Variants in KIFBP observed in about 807,000 individuals in gnomAD.
KIFBP encodes the protein kinesin family binding protein.
KIFBP carries 46 observed loss-of-function variants against 58.9 expected under a neutral mutation model. The ratio of observed to expected loss-of-function variants is 0.78; its 90% confidence interval spans 0.62 to 1.00. KIFBP has a LOEUF of 1.00. KIFBP is among the 50% of genes least tolerant of loss of function. The pLI is 0.00. For synonymous variants in KIFBP, 241 were observed against 283.4 expected, an observed-to-expected ratio of 0.85 and a Z score of 1.50; for missense variants, 651 against 752.9, an observed-to-expected ratio of 0.86 and a Z score of 1.58.
At chr10:68,995,807 A>G (rs927112290) in intron 1 of KIFBP, among the ~76,000 whole-genome samples, 1 of 152,202 alleles carries the variant, frequency 6.6e-6, no homozygotes, top group Non-Finnish European at 1.5e-5. Context: ...GAAAGATGCA[A>G]GACCTTCCAT....
Position 68,989,004 on chromosome 10 carries a change from G to A in KIFBP, c.172G>A (p.Asp58Asn). Reference sequence around the variant, plus strand: ...GCTCGGCCCTGCGCCTGAGGACGAGGATGAGCGGCCTGAGGCCGAGGACGG... The same window carrying A: ...GCTCGGCCCTGCGCCTGAGGACGAGAATGAGCGGCCTGAGGCCGAGGACGG... Reference protein sequence around the residue: ...ALLGPAPEDEDERPEAEDGPG... With the variant: ...ALLGPAPEDENERPEAEDGPG... Residue 58 changes from aspartate (D) to asparagine (N), a missense_variant, in exon 1 of 7, where the codon GAT becomes AAT. By Grantham distance (23) the Asp-to-Asn change is conservative. Transcript: ENST00000361983. The A allele has an allele frequency of 6.2e-6, 10 of 1,614,224 alleles. No homozygotes were observed. The highest frequency in any genetic ancestry group is 8.5e-6 in the Non-Finnish European group (10 of 1,180,030).
intron 1 of KIFBP, among the ~76,000 whole-genome samples, chr10:68,990,296 G>A (rs542760705): frequency 3.4e-4 from 52 of 152,290 alleles, no homozygotes; most frequent in Non-Finnish European, 5.6e-4. Context: ...TTGGGAGGCC[G>A]AAGTGGGAGG....
rs189185692 is a variant in KIFBP at position 69,013,343 on chromosome 10, G to A, written c.991-2198G>A. On this transcript the variant is annotated intron_variant, in intron 6 of 6. Coordinates refer to ENST00000361983, the MANE Select transcript of KIFBP (RefSeq NM_015634.4). ...GATGAAGATAATTTTAGAGGTCAGA[G>A]GGTAAAGAGGAGGCATATTAAGGAA... 5.3e-5 allele frequency among the ~76,000 whole-genome samples: 8 copies of A among 152,280 alleles called. No individual in the cohort carries two copies. The East Asian group carries it at 1.5e-3, about 29-fold the overall frequency.
Position 69,008,390 on chromosome 10 carries a change from AAAT to A in KIFBP, c.790-449_790-447del, listed in dbSNP as rs1257994666. On this transcript the variant is annotated intron_variant, in intron 4 of 6. Transcript: ENST00000361983. ...ACCCCTGTCTCGTAAAAAAAAAAAA[AAAT>A]ATATATATATATATATATATATATA... is the stretch of plus-strand genomic sequence containing the variant. Among the ~76,000 whole-genome samples, 669 of 102,860 alleles carry A rather than the reference AAAT, an allele frequency of 6.5e-3. 12 individuals are homozygous for A. Among genetic ancestry groups the A allele is most frequent in the African/African-American group, 0.027 (628 of 23,404 alleles). 67.5% of individuals were successfully genotyped at this position (102,860 alleles called of 152,430 possible).
In KIFBP at chr10:68,999,311, C is replaced by T. The variant is rs868044061; in HGVS notation, c.427-1113C>T. ...TGGGGTTTCACCATTTTGGCCAGGC[C>T]GGTCTTGAACTTCTCGCCTCAAGTG... is the stretch of plus-strand genomic sequence containing the variant. On this transcript the variant is annotated intron_variant, in intron 1 of 6. Coordinates refer to ENST00000361983, the MANE Select transcript of KIFBP (RefSeq NM_015634.4). 2.9e-4 allele frequency among the ~76,000 whole-genome samples: 43 copies of T among 147,282 alleles called. No individual in the cohort carries two copies. In the Middle Eastern group the frequency reaches 0.016, roughly 54 times the overall value.
rs753347618 is a variant in KIFBP, at chr10:69,010,945, A to C, written c.920A>C (p.Lys307Thr). The change falls in exon 6 of 7, where the codon AAG becomes ACG. Residue 307 changes from lysine to threonine, a missense_variant. Physicochemically the swap from Lys to Thr is moderately conservative, Grantham distance 78. Transcript: ENST00000361983. ...GEVPELYHQR[K>T]GEIARCWIKY... ...GTGCCAGAGCTTTATCATCAAAGAA[A>C]GGGGGAAATAGCAAGGTGCTGGATC... 6.2e-7 allele frequency: 1 copy of C among 1,614,134 alleles called. No individual in the cohort carries two copies. Among genetic ancestry groups the C allele is most frequent in the Non-Finnish European group, 8.5e-7 (1 of 1,179,992 alleles).
intron 1 of KIFBP, chr10:68,999,651 T>C (rs1340570952): frequency 6.6e-6 from 1 of 152,100 alleles, no homozygotes; most frequent in East Asian, 1.9e-4. Context: ...CTCACAGGCT[T>C]TTTGACTGAG....
intron 6 of KIFBP, 200 bp downstream of exon 6, chr10:69,011,215 C>A: frequency 1.9e-6 from 1 of 537,062 alleles, no homozygotes; most frequent in Non-Finnish European, 3.4e-6. Flanking sequence ...CTGCGTGAGC[C>A]GAGATTGGAC....
At chr10:69,011,220 T>C (rs1234724064) in intron 6 of KIFBP, 1 of 534,690 alleles carries the variant, frequency 1.9e-6, no homozygotes, top group African/African-American at 1.9e-5. Flanking sequence ...TGAGCCGAGA[T>C]TGGACCACTG....
In KIFBP at chr10:69,000,529, T is replaced by A; in HGVS notation, c.525+7T>A. On this transcript the variant is annotated splice_region_variant and intron_variant, in intron 2 of 6. Coordinates refer to ENST00000361983, the MANE Select transcript of KIFBP (RefSeq NM_015634.4). ...TAATCAGTATATGAAAGAGGTATGT[T>A]ACATGTCAGATGAGTTTTAAGTTTT... is the stretch of plus-strand genomic sequence containing the variant. The A allele has an allele frequency of 6.6e-7, 1 of 1,517,580 alleles. No individual in the cohort carries two copies. Among genetic ancestry groups the A allele is most frequent in the South Asian group, 1.1e-5 (1 of 89,146 alleles). 94.0% of individuals were successfully genotyped at this position (1,517,580 alleles called of 1,614,324 possible). A position where few individuals can be genotyped will look rare whatever the true frequency, so the allele number is the denominator to read the frequency against.
At chr10:68,993,594 CA>C (rs892131843) in intron 1 of KIFBP, among the ~76,000 whole-genome samples, 1 of 151,156 alleles carries the variant, frequency 6.6e-6, no homozygotes, top group Non-Finnish European at 1.5e-5. Flanking sequence ...GTAGGTTAAA[CA>C]AAGCTTTTTT....
At position 68,988,990 on chromosome 10, in the gene KIFBP, C is replaced by CGCCTGAGGACGAGGATGAGCG. The variant is rs767103634; in HGVS notation, c.167_187dup (p.Asp56_Glu62dup). 5.0e-6 allele frequency: 8 copies of CGCCTGAGGACGAGGATGAGCG among 1,614,114 alleles called. No individual in the cohort carries two copies. The South Asian group carries it at 7.7e-5, about 16-fold the overall frequency. On this transcript the variant is annotated inframe_insertion, in exon 1 of 7. Transcript: ENST00000361983. ...GAGGTCAAGGCGCTGCTCGGCCCTG[C>CGCCTGAGGACGAGGATGAGCG]GCCTGAGGACGAGGATGAGCGGCCT... is the stretch of plus-strand genomic sequence containing the variant.
At chr10:68,995,867 T>G (rs1279676260) in intron 1 of KIFBP, among the ~76,000 whole-genome samples, 1 of 152,174 alleles carries the variant, frequency 6.6e-6, no homozygotes, top group Non-Finnish European at 1.5e-5. Context: ...AAAGAATAAT[T>G]CACATAAAGG....
rs1839002444 is a variant in KIFBP at position 69,016,089 on chromosome 10, A to C, written c.1539A>C (p.Ala513=). Residue 513 remains alanine (A), a synonymous_variant, in exon 7 of 7, where the codon GCA becomes GCC. Transcript: ENST00000361983. ...AAATAAATAATCTTAATAAGTCAGC[A>C]CTGAAGTACTACCAGCTCTTCTTAG... ...VKKINNLNKS[A]LKYYQLFLDS... 14 of 1,613,994 alleles carry C rather than the reference A, an allele frequency of 8.7e-6. No individual in the cohort carries two copies. Among genetic ancestry groups the C allele is most frequent in the Non-Finnish European group, 1.1e-5 (13 of 1,179,968 alleles).
At chr10:69,000,324 A>G in intron 1 of KIFBP, 100 bp from the exon 2 acceptor site, 2 of 776,454 alleles carry the variant, frequency 2.6e-6, no homozygotes, top group Non-Finnish European at 4.6e-6. Flanking sequence ...ATCCAACTCT[A>G]CTATTTGGTT....
chr10:69,010,234 T>C (rs1298010316), intron 5 of KIFBP, among the ~76,000 whole-genome samples: 1 of 152,218 alleles, frequency 6.6e-6, no homozygotes, highest in Non-Finnish European at 1.5e-5. Flanking sequence ...GAAAATAATT[T>C]GGCTGTATGT....
At chr10:69,001,356 T>C (rs1433930629) in intron 2 of KIFBP, among the ~76,000 whole-genome samples, 1 of 152,176 alleles carries the variant, frequency 6.6e-6, no homozygotes, top group African/African-American at 2.4e-5. Context: ...AGCCACTGTG[T>C]TACCATCTGT....
intron 5 of KIFBP, 35 bp downstream of exon 5, chr10:69,008,960 A>T (rs761928608): frequency 2.6e-6 from 4 of 1,526,042 alleles, no homozygotes; most frequent in African/African-American, 1.4e-5. Context: ...CATAGCTTTT[A>T]AAAAAAGTTT....
At chr10:69,012,315 C>T (rs1254585317) in intron 6 of KIFBP, among the ~76,000 whole-genome samples, 1 of 152,080 alleles carries the variant, frequency 6.6e-6, no homozygotes, top group Admixed American at 6.6e-5. Flanking sequence ...GGAAAAGTGC[C>T]TGAGACATAC....
Sources: allele counts gnomAD v4.1 joint callset (sites outside exome capture counted in the v4.1 genomes callset), GRCh38; gene constraint gnomAD v4.1.1; transcripts MANE v1.5; gene names NCBI Gene and HGNC (gene_info 2026-07-23, HGNC 2026-07-21).